The following SMARCC1 variants were observed in gnomAD, a reference collection of about 807,000 sequenced individuals.
The protein encoded by SMARCC1 is SWI/SNF related BAF chromatin remodeling complex subunit C1.
A neutral mutation model predicts 147.4 loss-of-function variants in SMARCC1; 43 were observed. The observed-to-expected ratio is 0.29, with a 90% CI of 0.23 to 0.38. The LOEUF is 0.38. SMARCC1 is among the 10% of genes least tolerant of loss of function. The pLI is 1.00. For synonymous variants in SMARCC1, 495 were observed against 484.4 expected (o/e 1.02, Z -0.29); for missense variants, 1,119 against 1,381.1 (o/e 0.81, Z 3.01).
chr3:47,769,194 G>C (rs1293612764), intron 2 of SMARCC1, among the ~76,000 whole-genome samples: 5 of 120,582 alleles, frequency 4.1e-5, no homozygotes, highest in African/African-American at 6.2e-5. Context: ...CTGGATGACA[G>C]AGCGAGACTC....
intron 26 of SMARCC1, among the ~76,000 whole-genome samples, chr3:47,591,113 T>G (rs1191207062): frequency 6.6e-6 from 1 of 152,130 alleles, no homozygotes; most frequent in Non-Finnish European, 1.5e-5. Flanking sequence ...TCCCCTAAAA[T>G]AAAGCACTCA....
At chr3:47,624,904 A>G (rs2106688630) in intron 24 of SMARCC1, among the ~76,000 whole-genome samples, 1 of 142,172 alleles carries the variant, frequency 7.0e-6, no homozygotes, top group Non-Finnish European at 1.6e-5. Context: ...TAAAAAAAAA[A>G]AAAAAAAAAA....
chr3:47,604,471 C>T (rs974157555), intron 26 of SMARCC1: 13 of 366,792 alleles, frequency 3.5e-5, no homozygotes, highest in Non-Finnish European at 6.4e-5. Flanking sequence ...TTTTCTGGAA[C>T]TTAGGAATCA....
At chr3:47,730,513 C>T (rs2034359007) in intron 5 of SMARCC1, among the ~76,000 whole-genome samples, 1 of 151,994 alleles carries the variant, frequency 6.6e-6, no homozygotes, top group African/African-American at 2.4e-5. Context: ...GTTAAGTTTA[C>T]ACAGTTTTAG....
intron 18 of SMARCC1, among the ~76,000 whole-genome samples, chr3:47,674,454 T>A (rs2033543374): frequency 6.6e-6 from 1 of 152,234 alleles, no homozygotes; most frequent in African/African-American, 2.4e-5. Flanking sequence ...AATTTAAAAA[T>A]GTCCTTTGGC....
chr3:47,745,444 G>A (rs2034554487), intron 3 of SMARCC1, among the ~76,000 whole-genome samples: 1 of 152,126 alleles, frequency 6.6e-6, no homozygotes, highest in Non-Finnish European at 1.5e-5. Flanking sequence ...CGGGTGCGGT[G>A]GCTCACGCCT....
At chr3:47,718,222 A>G (rs1339648020) in intron 7 of SMARCC1, among the ~76,000 whole-genome samples, 1 of 151,030 alleles carries the variant, frequency 6.6e-6, no homozygotes, top group Non-Finnish European at 1.5e-5. Context: ...AGGTGGGTGG[A>G]TCACCTGAGG....
intron 2 of SMARCC1, among the ~76,000 whole-genome samples, chr3:47,750,389 C>A (rs1016369093): frequency 3.0e-4 from 46 of 152,116 alleles, no homozygotes; most frequent in African/African-American, 1.1e-3. Flanking sequence ...GAGCCGGGAT[C>A]GCGCCAGGGC....
intron 26 of SMARCC1, among the ~76,000 whole-genome samples, chr3:47,609,783 C>T (rs867622902): frequency 5.3e-5 from 8 of 151,982 alleles, no homozygotes; most frequent in East Asian, 1.9e-4. Context: ...ATTTTTTTTA[C>T]GGTATCAATA....
At chr3:47,682,622 T>C (rs975774761) in intron 14 of SMARCC1, among the ~76,000 whole-genome samples, 67 of 152,330 alleles carry the variant, frequency 4.4e-4, no homozygotes, top group African/African-American at 1.5e-3. Flanking sequence ...GCCATTGTAC[T>C]AACGAGTTTT....
rs768963988 is a variant in SMARCC1, at chr3:47,586,036, A to AT, written c.*2172dup. ...AGAAACATGTTTGTACAAAAACCACATATTATTCCCCCCCCTCACAAAATC... is the reference window on the plus strand; with the variant it reads ...AGAAACATGTTTGTACAAAAACCACATTATTATTCCCCCCCCTCACAAAATC... On this transcript the variant is annotated 3_prime_UTR_variant, in exon 28 of 28. Coordinates refer to ENST00000254480, the MANE Select transcript of SMARCC1 (RefSeq NM_003074.4). 12 of 152,606 alleles carry AT rather than the reference A, an allele frequency of 7.9e-5. No homozygotes were observed. Among genetic ancestry groups the AT allele is most frequent in the Non-Finnish European group, 1.5e-4 (10 of 68,038 alleles). The allele number at this position is 152,606 out of a possible 1,614,324, so 9.5% of individuals were successfully genotyped here. A position where few individuals can be genotyped will look rare whatever the true frequency, so the allele number is the denominator to read the frequency against.
At chr3:47,648,159 T>A (rs1383776755) in intron 21 of SMARCC1, among the ~76,000 whole-genome samples, 1 of 151,964 alleles carries the variant, frequency 6.6e-6, no homozygotes, top group East Asian at 1.9e-4. Flanking sequence ...CACACCCAGC[T>A]AATTTTTGTA....
intron 12 of SMARCC1, among the ~76,000 whole-genome samples, chr3:47,692,377 G>C (rs2033800888): frequency 6.6e-6 from 1 of 152,128 alleles, no homozygotes. Context: ...ATTTTATACT[G>C]CTTAGAAACT....
At chr3:47,671,190 A>AAAAAAAAAAC (rs1559640688) in intron 18 of SMARCC1, among the ~76,000 whole-genome samples, 3 of 145,148 alleles carry the variant, frequency 2.1e-5, no homozygotes, top group African/African-American at 7.9e-5. Flanking sequence ...AAAAAAAAAA[A>AAAAAAAAAAC]AAAAAAAACA....
rs915291740 is a variant in SMARCC1 at position 47,708,083 on chromosome 3, C to CTTTTTTTTT, written c.919-1562_919-1554dup. ...GTAAATCTGAAGTTGAATTTTTTTT[C>CTTTTTTTTT]TTTTTTTTTTTTTTTTTTTTTTTTT... On this transcript the variant is annotated intron_variant, in intron 9 of 27. Transcript: ENST00000254480. Among the ~76,000 whole-genome samples the CTTTTTTTTT allele has an allele frequency of 5.9e-4, 38 of 64,270 alleles. 2 individuals are homozygous for CTTTTTTTTT. Among genetic ancestry groups the CTTTTTTTTT allele is most frequent in the East Asian group, 1.1e-3 (2 of 1,840 alleles). 42.2% of individuals were successfully genotyped at this position (64,270 alleles called of 152,430 possible).
intron 26 of SMARCC1, 58 bp downstream of exon 26, chr3:47,610,008 T>C (rs1236416749): frequency 6.4e-7 from 1 of 1,569,348 alleles, no homozygotes; most frequent in African/African-American, 1.4e-5. Flanking sequence ...GCCCCAATGA[T>C]GCTCTGTGCC....
chr3:47,771,235 T>C (rs1345186873), intron 2 of SMARCC1, among the ~76,000 whole-genome samples: 1 of 152,134 alleles, frequency 6.6e-6, no homozygotes, highest in African/African-American at 2.4e-5. Flanking sequence ...CAATTATATT[T>C]GAAAGATCAG....
chr3:47,780,318 T>C (rs1346231405), intron 1 of SMARCC1, among the ~76,000 whole-genome samples: 3 of 151,936 alleles, frequency 2.0e-5, no homozygotes, highest in Non-Finnish European at 4.4e-5. Context: ...ATTACAGGCA[T>C]GTGCTGCCAC....
intron 2 of SMARCC1, among the ~76,000 whole-genome samples, chr3:47,772,075 AAATT>A (rs1398248111): frequency 6.6e-6 from 1 of 151,228 alleles, no homozygotes; most frequent in African/African-American, 2.4e-5. Context: ...TCTCATAAAT[AAATT>A]AATTAAATAA....
Sources: allele counts gnomAD v4.1 joint callset (sites outside exome capture counted in the v4.1 genomes callset), GRCh38; gene constraint gnomAD v4.1.1; transcripts MANE v1.5; gene names NCBI Gene and HGNC (gene_info 2026-07-23, HGNC 2026-07-21).